PREP: variants seen among roughly 807,000 people sequenced by gnomAD.
The protein encoded by PREP is dJ355L5.1 (prolyl endopeptidase).
PREP carries 29 observed loss-of-function variants against 87.6 expected under a neutral mutation model. The observed-to-expected ratio is 0.33, with a 90% CI of 0.25 to 0.45. The LOEUF (loss-of-function observed/expected upper bound fraction) is 0.45. Ranked by LOEUF, PREP falls within the 20% of genes least tolerant of loss-of-function variation. The probability of loss-of-function intolerance (pLI) is 1.00; values close to 1 mark genes in which losing one functional copy is unlikely to be tolerated. For synonymous variants in PREP, 337 were observed against 328.6 expected, an observed-to-expected ratio of 1.03 and a Z score of -0.28; for missense variants, 695 against 886.5, an observed-to-expected ratio of 0.78 and a Z score of 2.74.
intron 7 of PREP, among the ~76,000 whole-genome samples, chr6:105,352,223 T>C (rs1204604974): frequency 3.9e-5 from 6 of 152,232 alleles, no homozygotes; most frequent in Non-Finnish European, 8.8e-5. Flanking sequence ...GTATGTCTGA[T>C]AGGATTTCTG....
At chr6:105,343,601 T>A (rs550228982) in intron 7 of PREP, among the ~76,000 whole-genome samples, 77 of 152,198 alleles carry the variant, frequency 5.1e-4, no homozygotes, top group African/African-American at 1.8e-3. Context: ...ACCTACAGAA[T>A]GGGAGAAAAT....
chr6:105,351,103 A>G (rs1051129641), intron 7 of PREP, among the ~76,000 whole-genome samples: 24 of 152,234 alleles, frequency 1.6e-4, no homozygotes, highest in South Asian at 2.1e-4. Context: ...CAACTTGGCT[A>G]GGCTAGTATG....
Position 105,282,580 on chromosome 6 carries a change from C to T in PREP, c.1552G>A (p.Gly518Ser). ...GEYGETWHKG[G>S]ILANKQNCFD... ...CAGTTTTGTTTGTTGGCCAAGATAC[C>T]ACCTACAGTGTGCCAAAGTGGAAGA... Residue 518 changes from glycine to serine, a missense_variant and splice_region_variant, in exon 13 of 15, where the codon GGT (glycine) becomes AGT (serine). Gly to Ser is a moderately conservative substitution (Grantham distance 56). Around this residue, in one of 5 missense-constraint regions of PREP, gnomAD observed 35 missense variants for 36.0 expected, o/e 0.97. Transcript: ENST00000652536. 1 of 1,612,166 alleles carries T rather than the reference C, an allele frequency of 6.2e-7. No individual in the cohort carries two copies. The highest frequency in any genetic ancestry group is 8.5e-7 in the Non-Finnish European group (1 of 1,179,518).
At chr6:105,400,988 C>T (rs1773414619) in intron 1 of PREP, among the ~76,000 whole-genome samples, 1 of 152,240 alleles carries the variant, frequency 6.6e-6, no homozygotes, top group Non-Finnish European at 1.5e-5. Flanking sequence ...GATACTCCAC[C>T]GTAAGCTATC....
intron 11 of PREP, among the ~76,000 whole-genome samples, chr6:105,288,499 A>G (rs1770234076): frequency 1.3e-5 from 2 of 152,190 alleles, no homozygotes; most frequent in Non-Finnish European, 2.9e-5. Context: ...GATTACAGGC[A>G]TCCGCCACCA....
intron 12 of PREP, among the ~76,000 whole-genome samples, chr6:105,283,442 G>C (rs1583034194): frequency 6.6e-6 from 1 of 152,182 alleles, no homozygotes; most frequent in East Asian, 1.9e-4. Context: ...GATCTAATTA[G>C]ATACTTGAGA....
chr6:105,301,267 C>T (rs1650638569), intron 10 of PREP, among the ~76,000 whole-genome samples: 1 of 152,190 alleles, frequency 6.6e-6, no homozygotes, highest in African/African-American at 2.4e-5. Flanking sequence ...GTTGAGCTCC[C>T]CCTTTTTATC....
chr6:105,365,833 C>T (rs1772368217), intron 6 of PREP, among the ~76,000 whole-genome samples: 1 of 151,672 alleles, frequency 6.6e-6, no homozygotes, highest in African/African-American at 2.4e-5. Context: ...GGCCCTGATC[C>T]AATAAAGATC....
chr6:105,393,342 T>TA (rs1773206472), intron 2 of PREP, among the ~76,000 whole-genome samples: 2 of 152,012 alleles, frequency 1.3e-5, no homozygotes, highest in Admixed American at 1.3e-4. Flanking sequence ...ATATCCTTTA[T>TA]AAAACAAAAC....
chr6:105,363,492 C>T (rs1254852051), intron 6 of PREP, among the ~76,000 whole-genome samples: 1 of 152,168 alleles, frequency 6.6e-6, no homozygotes, highest in Non-Finnish European at 1.5e-5. Flanking sequence ...ATAACTGGCA[C>T]CTCTGCCCAT....
At chr6:105,281,980 C>T in intron 13 of PREP, 78 bp from the exon 14 acceptor site, 1 of 1,506,528 alleles carries the variant, frequency 6.6e-7, no homozygotes, top group Non-Finnish European at 9.0e-7. Context: ...GCAATACTTA[C>T]TTACATGCTT....
chr6:105,373,659 C>A, intron 4 of PREP, 81 bp from the exon 5 acceptor site: 1 of 1,322,218 alleles, frequency 7.6e-7, no homozygotes, highest in Non-Finnish European at 1.1e-6. Flanking sequence ...ACAAAGCTCT[C>A]TTTCATAACA....
intron 6 of PREP, among the ~76,000 whole-genome samples, chr6:105,353,728 T>A (rs1036800479): frequency 2.2e-5 from 3 of 138,580 alleles, no homozygotes; most frequent in African/African-American, 8.5e-5. Context: ...GCTGACACGG[T>A]GCCACTGCAC....
At chr6:105,397,254 G>T (rs1007204992) in intron 2 of PREP, among the ~76,000 whole-genome samples, 3 of 151,372 alleles carry the variant, frequency 2.0e-5, no homozygotes, top group African/African-American at 7.3e-5. Context: ...AAATGTCTGT[G>T]GGACATAGGA....
chr6:105,387,855 T>C (rs1773045075), intron 2 of PREP, among the ~76,000 whole-genome samples: 1 of 152,138 alleles, frequency 6.6e-6, no homozygotes. Context: ...CCATCTTCAA[T>C]CTCTGGTCCT....
Position 105,282,138 on chromosome 6 carries a change from A to C in PREP, c.1682-236T>G, listed in dbSNP as rs571922010. On this transcript the variant is annotated intron_variant, in intron 13 of 14. Transcript: ENST00000652536. ...TAATGGAGCTTTACTCCCCAAAGTG[A>C]ATCTTGAAAAGCTTGAGGACTTTCT... is the stretch of plus-strand genomic sequence containing the variant. 2.0e-5 allele frequency among the ~76,000 whole-genome samples: 3 copies of C among 152,202 alleles called. No homozygotes were observed. The South Asian group carries it at 6.2e-4, about 32-fold the overall frequency.
intron 6 of PREP, among the ~76,000 whole-genome samples, chr6:105,362,331 T>C (rs11754311): frequency 6.6e-6 from 1 of 152,014 alleles, no homozygotes; most frequent in Non-Finnish European, 1.5e-5. Flanking sequence ...CTTGGTGGCG[T>C]ACGCCTTTAA....
intron 9 of PREP, among the ~76,000 whole-genome samples, chr6:105,326,093 T>TAA (rs984260328): frequency 2.6e-5 from 4 of 152,210 alleles, no homozygotes; most frequent in African/African-American, 9.6e-5. Flanking sequence ...GATTTTGTTT[T>TAA]AACTGATTTT....
At chr6:105,279,668 T>C (rs1770031258) in intron 14 of PREP, among the ~76,000 whole-genome samples, 1 of 152,198 alleles carries the variant, frequency 6.6e-6, no homozygotes, top group African/African-American at 2.4e-5. Context: ...AGGAGCTCCC[T>C]GTAGGACCCT....
Sources: allele counts gnomAD v4.1 joint callset (sites outside exome capture counted in the v4.1 genomes callset), GRCh38; gene constraint gnomAD v4.1.1; regional missense constraint gnomAD v4.1.1; transcripts MANE v1.5; gene names NCBI Gene and HGNC (gene_info 2026-07-23, HGNC 2026-07-21).